SAMD4A: variants seen among roughly 807,000 people sequenced by gnomAD.
SAMD4A encodes the protein protein Smaug homolog 1.
Under a neutral mutation model 81.3 loss-of-function variants are expected in SAMD4A, and 33 were observed. The ratio of observed to expected loss-of-function variants is 0.41; its 90% CI spans 0.31 to 0.54. SAMD4A has a LOEUF of 0.54. Among genes scored for constraint, SAMD4A ranks in the 20% least tolerant of loss-of-function variants. SAMD4A has a pLI of 0.37. For synonymous variants in SAMD4A, 389 were observed against 382.1 expected (o/e 1.02, Z -0.21); for missense variants, 854 against 951.1 (o/e 0.90, Z 1.34).
chr14:54,661,981 C>T lies in SAMD4A; in HGVS notation c.197-40081C>T, dbSNP rs148215402. Among the ~76,000 whole-genome samples the T allele has an allele frequency of 9.2e-4, 140 of 152,246 alleles. 1 individual carries two copies. Among genetic ancestry groups the T allele is most frequent in the Middle Eastern group, 6.8e-3 (2 of 294 alleles). ...TTGAGCAGGTATTGAGATTGGCAGCCGCCATTCACACAAAGAAGAGCCAAG... is the reference window on the plus strand; with the variant it reads ...TTGAGCAGGTATTGAGATTGGCAGCTGCCATTCACACAAAGAAGAGCCAAG... On this transcript the variant is annotated intron_variant, in intron 2 of 12. Transcript: ENST00000554335.
At chr14:54,786,678 C>T (rs1408774553) in intron 12 of SAMD4A, among the ~76,000 whole-genome samples, 3 of 152,208 alleles carry the variant, frequency 2.0e-5, no homozygotes, top group South Asian at 4.1e-4. Flanking sequence ...GGGCTTGATA[C>T]ATCTCAGACA....
intron 2 of SAMD4A, among the ~76,000 whole-genome samples, chr14:54,689,348 G>GA (rs2036370269): frequency 1.3e-5 from 2 of 152,174 alleles, no homozygotes; most frequent in Admixed American, 1.3e-4. Flanking sequence ...GAGCCCCATG[G>GA]AGCATGATCC....
At chr14:54,682,109 T>C (rs1440963818) in intron 2 of SAMD4A, 11 of 961,614 alleles carry the variant, frequency 1.1e-5, no homozygotes, top group East Asian at 1.1e-4. Context: ...CCTGTTCTTA[T>C]CCCACAATGT....
intron 4 of SAMD4A, 110 bp downstream of exon 4, chr14:54,737,397 C>A: frequency 1.6e-6 from 2 of 1,289,028 alleles, no homozygotes; most frequent in Non-Finnish European, 2.2e-6. Flanking sequence ...CACCCCTTCC[C>A]CAGGCTTACG....
At chr14:54,763,704 C>G (rs1208321404) in intron 7 of SAMD4A, among the ~76,000 whole-genome samples, 1 of 152,176 alleles carries the variant, frequency 6.6e-6, no homozygotes, top group Admixed American at 6.5e-5. Flanking sequence ...TTTGTCCACC[C>G]ATCTCCACTG....
intron 9 of SAMD4A, among the ~76,000 whole-genome samples, chr14:54,771,249 G>A (rs540578580): frequency 2.0e-4 from 31 of 152,234 alleles, no homozygotes; most frequent in African/African-American, 7.0e-4. Context: ...CATTTATTTA[G>A]CACTTACATA....
chr14:54,666,013 T>G (rs1430250754), intron 2 of SAMD4A, among the ~76,000 whole-genome samples: 2 of 152,214 alleles, frequency 1.3e-5, no homozygotes, highest in Non-Finnish European at 2.9e-5. Flanking sequence ...TTCTATGTTG[T>G]TCAGGTAAAA....
chr14:54,724,007 T>TGGAAGGAAGGAAGGAA (rs753453738), intron 3 of SAMD4A, among the ~76,000 whole-genome samples: 21,238 of 123,744 alleles, frequency 0.17, 2,176 homozygotes, highest in Non-Finnish European at 0.2. Context: ...GATGGATGGA[T>TGGAAGGAAGGAAGGAA]GGAAGGAAGG....
intron 2 of SAMD4A, among the ~76,000 whole-genome samples, chr14:54,585,516 A>G (rs1012183537): frequency 1.3e-5 from 2 of 151,974 alleles, no homozygotes; most frequent in Admixed American, 1.3e-4. Context: ...TTTAGTGGTG[A>G]TTTCTGAGAT....
chr14:54,704,048 T>C (rs762528466), intron 3 of SAMD4A, among the ~76,000 whole-genome samples: 14 of 152,222 alleles, frequency 9.2e-5, no homozygotes, highest in Non-Finnish European at 8.8e-5. Flanking sequence ...AGATACTGCA[T>C]TGATATTGCT....
At chr14:54,643,849 T>C (rs571528850) in intron 2 of SAMD4A, among the ~76,000 whole-genome samples, 1 of 152,288 alleles carries the variant, frequency 6.6e-6, no homozygotes, top group Non-Finnish European at 1.5e-5. Context: ...CAGGTTTTTT[T>C]TGTGTGCTTT....
intron 2 of SAMD4A, among the ~76,000 whole-genome samples, chr14:54,600,730 C>T (rs557203453): frequency 1.5e-4 from 23 of 152,276 alleles, no homozygotes; most frequent in Non-Finnish European, 3.4e-4. Flanking sequence ...GAGGCTGGAT[C>T]CTTTGATTTT....
chr14:54,678,421 G>A (rs1158906432), intron 2 of SAMD4A, among the ~76,000 whole-genome samples: 1 of 122,620 alleles, frequency 8.2e-6, no homozygotes, highest in Non-Finnish European at 1.6e-5. Context: ...TCGTATTTTG[G>A]GCAGTCACCA....
At chr14:54,647,634 G>C (rs2035314593) in intron 2 of SAMD4A, among the ~76,000 whole-genome samples, 1 of 152,218 alleles carries the variant, frequency 6.6e-6, no homozygotes, top group Non-Finnish European at 1.5e-5. Context: ...TTATGAAAGG[G>C]AAGTCATGTT....
chr14:54,736,695 C>G (rs2037702968), intron 3 of SAMD4A, among the ~76,000 whole-genome samples: 1 of 152,230 alleles, frequency 6.6e-6, no homozygotes, highest in Non-Finnish European at 1.5e-5. Context: ...TCAAGCCTTG[C>G]CTGATTTACG....
At chr14:54,781,640 C>A (rs551594724) in intron 11 of SAMD4A, among the ~76,000 whole-genome samples, 2 of 152,350 alleles carry the variant, frequency 1.3e-5, no homozygotes, top group East Asian at 3.9e-4. Flanking sequence ...AGACTCACAT[C>A]TCCATCTGCC....
At chr14:54,743,389 G>A (rs560018692) in intron 4 of SAMD4A, among the ~76,000 whole-genome samples, 1 of 152,326 alleles carries the variant, frequency 6.6e-6, no homozygotes, top group South Asian at 2.1e-4. Context: ...TTCTCTGATA[G>A]GCTGAGAGCC....
intron 2 of SAMD4A, among the ~76,000 whole-genome samples, chr14:54,571,334 A>G (rs1185312884): frequency 6.6e-6 from 1 of 152,188 alleles, no homozygotes; most frequent in Non-Finnish European, 1.5e-5. Flanking sequence ...TCTTGTTCCC[A>G]GGATCCTTAT....
At chr14:54,683,132 G>T (rs1170036955) in intron 2 of SAMD4A, among the ~76,000 whole-genome samples, 1 of 152,220 alleles carries the variant, frequency 6.6e-6, no homozygotes, top group African/African-American at 2.4e-5. Flanking sequence ...GATACCAAAG[G>T]AGGGCCACCA....
Sources: allele counts gnomAD v4.1 joint callset (sites outside exome capture counted in the v4.1 genomes callset), GRCh38; gene constraint gnomAD v4.1.1; transcripts MANE v1.5; gene names NCBI Gene and HGNC (gene_info 2026-07-23, HGNC 2026-07-21).